The following OR51E2 variants were observed in gnomAD, a reference collection of about 807,000 sequenced individuals.
OR51E2 encodes the protein olfactory receptor family 51 subfamily E member 2.
A neutral mutation model predicts 13.7 loss-of-function variants in OR51E2; 14 were observed. The ratio of observed to expected loss-of-function variants is 1.02; its 90% CI spans 0.68 to 1.60. The LOEUF (loss-of-function observed/expected upper bound fraction) is 1.60, where lower values mean the gene tolerates loss of function less well. OR51E2 is among the 40% of genes most tolerant of loss of function. The probability of loss-of-function intolerance (pLI) is 0.00; values close to 1 mark genes in which losing one functional copy is unlikely to be tolerated. For missense variants in OR51E2, 483 were observed against 413.8 expected (o/e 1.17, Z -1.45); for synonymous variants, 180 against 157.6 (o/e 1.14, Z -1.07).
Position 4,682,480 on chromosome 11 carries a change from G to C in OR51E2, c.232C>G (p.Pro78Ala). The C allele has an allele frequency of 6.2e-7, 1 of 1,614,212 alleles. No individual in the cohort carries two copies. Among genetic ancestry groups the C allele is most frequent in the Non-Finnish European group, 8.5e-7 (1 of 1,180,026 alleles). ...IDLALSTSTM[P>A]KILALFWFDS... ...AACCAGAAAAGGGCAAGGATCTTAGGCATGGTGGATGTGGATAAGGCCAGG... is the reference window on the plus strand; with the variant it reads ...AACCAGAAAAGGGCAAGGATCTTAGCCATGGTGGATGTGGATAAGGCCAGG... The change falls in exon 2 of 2, where the codon CCT becomes GCT. Residue 78 changes from proline (P) to alanine (A), a missense_variant. By Grantham distance (27) the Pro-to-Ala change is conservative (BLOSUM62 -1). Transcript: ENST00000396950.
chr11:4,692,172 G>A, intron 1 of OR51E2: 1 of 452,822 alleles, frequency 2.2e-6, no homozygotes, highest in South Asian at 1.6e-5. Flanking sequence ...CATAAGTGTG[G>A]AAAGCAGAGA....
intron 1 of OR51E2, chr11:4,691,284 T>C (rs768289859): frequency 1.5e-5 from 7 of 456,856 alleles, no homozygotes; most frequent in African/African-American, 1.4e-4. Flanking sequence ...TATTCTGGAG[T>C]CAGTTAAAAT....
chr11:4,687,576 T>C (rs7128240), intron 1 of OR51E2, among the ~76,000 whole-genome samples: 149,683 of 152,318 alleles, frequency 0.98, 73,593 homozygotes, highest in Middle Eastern at 1. Flanking sequence ...GTGTGCCATC[T>C]GAATCCTTAC....
intron 1 of OR51E2, among the ~76,000 whole-genome samples, chr11:4,693,600 A>G (rs1037218513): frequency 6.6e-6 from 1 of 152,174 alleles, no homozygotes; most frequent in African/African-American, 2.4e-5. Flanking sequence ...GGGCGCCTGT[A>G]GTTCCAGCTA....
intron 1 of OR51E2, among the ~76,000 whole-genome samples, chr11:4,692,861 A>AG (rs1188441715): frequency 6.8e-5 from 10 of 147,534 alleles, no homozygotes; most frequent in East Asian, 4.4e-4. Flanking sequence ...TGAAAAAAAA[A>AG]GGGGGGGTGG....
chr11:4,691,632 G>C (rs1847581446), intron 1 of OR51E2: 1 of 442,504 alleles, frequency 2.3e-6, no homozygotes, highest in Non-Finnish European at 4.5e-6. Flanking sequence ...GGTGTGGAAG[G>C]CTTCCAGCCC....
chr11:4,694,485 C>T (rs918068156), intron 1 of OR51E2, among the ~76,000 whole-genome samples: 7 of 144,094 alleles, frequency 4.9e-5, no homozygotes, highest in Admixed American at 7.1e-5. Context: ...CATATATATA[C>T]GTGTATATAT....
Position 4,681,917 on chromosome 11 carries a change from G to A in OR51E2, c.795C>T (p.Asn265=). Reference sequence around the variant, plus strand: ...CAACACGCACAATGGGATGAAGGCTGTTTCCAAAGCGGTGTACCACTGAGA... The same window carrying A: ...CAACACGCACAATGGGATGAAGGCTATTTCCAAAGCGGTGTACCACTGAGA... ...IGLSVVHRFG[N]SLHPIVRVVM... Residue 265 remains asparagine, a synonymous_variant, in exon 2 of 2, where the codon AAC becomes AAT. Transcript: ENST00000396950. The A allele has an allele frequency of 6.2e-7, 1 of 1,614,154 alleles. No individual in the cohort carries two copies. The highest frequency in any genetic ancestry group is 8.5e-7 in the Non-Finnish European group (1 of 1,180,042).
intron 1 of OR51E2, among the ~76,000 whole-genome samples, chr11:4,697,380 A>C (rs1437040623): frequency 6.6e-6 from 1 of 152,244 alleles, no homozygotes. Context: ...GGGCATAGAA[A>C]TGAGATTCAC....
rs199957785 is a variant in OR51E2, at chr11:4,682,202, G to A, written c.510C>T (p.Ser170=). 1 of 1,614,226 alleles carries A rather than the reference G, an allele frequency of 6.2e-7. No homozygotes were observed. The highest frequency in any genetic ancestry group is 2.2e-5 in the East Asian group (1 of 44,886). ...CACAATAGGAGTGCGAGAGGACATT[G>A]GAGTGGCAGAAGGCCAGCCGCTTGA... The part of the protein sequence containing the change: ...LLIKRLAFCH[S]NVLSHSYCVH... The change falls in exon 2 of 2, where the codon TCC becomes TCT. Residue 170 remains serine (S), a synonymous_variant. Coordinates refer to ENST00000396950, the MANE Select transcript of OR51E2 (RefSeq NM_030774.4).
chr11:4,690,878 A>G (rs1234972858), intron 1 of OR51E2: 1 of 456,496 alleles, frequency 2.2e-6, no homozygotes, highest in Non-Finnish European at 4.4e-6. Context: ...CAATCATAGT[A>G]TGTACATAGG....
rs11033328 is a variant in OR51E2, at chr11:4,685,558, C to G, written c.-50-2797G>C. Among the ~76,000 whole-genome samples, 6 of 152,330 alleles carry G rather than the reference C, an allele frequency of 3.9e-5. No individual in the cohort carries two copies. The East Asian group carries it at 9.6e-4, about 24-fold the overall frequency. ...TCCATATCTTTCCCTAACCTTTCTT[C>G]TGGTTAACAAAACAGCCCTTAATGT... On this transcript the variant is annotated intron_variant, in intron 1 of 1. Coordinates refer to ENST00000396950, the MANE Select transcript of OR51E2 (RefSeq NM_030774.4).
chr11:4,696,193 A>C (rs546047195), intron 1 of OR51E2, among the ~76,000 whole-genome samples: 1 of 152,324 alleles, frequency 6.6e-6, no homozygotes, highest in East Asian at 1.9e-4. Context: ...GCTACCCCTG[A>C]GGGACATCTC....
At position 4,681,941 on chromosome 11, in the gene OR51E2, G is replaced by C; in HGVS notation, c.771C>G (p.Leu257=). 6.2e-7 allele frequency: 1 copy of C among 1,614,114 alleles called. No individual in the cohort carries two copies. Among genetic ancestry groups the C allele is most frequent in the South Asian group, 1.1e-5 (1 of 91,084 alleles). ...VLAFYVPLIG[L]SVVHRFGNSL... ...TGTTTCCAAAGCGGTGTACCACTGA[G>C]AGGCCAATAAGTGGCACATAGAAGG... The change falls in exon 2 of 2, where the codon CTC becomes CTG. Residue 257 remains leucine, a synonymous_variant. Transcript: ENST00000396950.
chr11:4,684,555 A>C (rs1847494310), intron 1 of OR51E2, among the ~76,000 whole-genome samples: 1 of 152,188 alleles, frequency 6.6e-6, no homozygotes, highest in Non-Finnish European at 1.5e-5. Flanking sequence ...CAAGGGGAAC[A>C]CAGGGACGTA....
At chr11:4,697,302 T>G (rs1336726577) in intron 1 of OR51E2, among the ~76,000 whole-genome samples, 2 of 152,202 alleles carry the variant, frequency 1.3e-5, no homozygotes. Context: ...ATGCGCTGTG[T>G]CTAATACCAG....
chr11:4,696,921 TA>T (rs895162063), intron 1 of OR51E2, among the ~76,000 whole-genome samples: 2 of 151,724 alleles, frequency 1.3e-5, no homozygotes, highest in African/African-American at 4.9e-5. Context: ...GCTCAAACAC[TA>T]ACTAGTTTTG....
At position 4,681,563 on chromosome 11, in the gene OR51E2, T is replaced by A. The variant is rs12575268; in HGVS notation, c.*186A>T. On this transcript the variant is annotated 3_prime_UTR_variant, in exon 2 of 2. Coordinates refer to ENST00000396950, the MANE Select transcript of OR51E2 (RefSeq NM_030774.4). Reference sequence around the variant, plus strand: ...TGGTTTTATTGTAGTCTTTAAATCATGTAATACTTCATTAGTATGTATTAT... The same window carrying A: ...TGGTTTTATTGTAGTCTTTAAATCAAGTAATACTTCATTAGTATGTATTAT... 0.042 allele frequency: 26,227 copies of A among 618,366 alleles called. 1,256 individuals are homozygous for A. Among genetic ancestry groups the A allele is most frequent in the East Asian group, 0.18 (6,424 of 36,062 alleles). The allele number at this position is 618,366 out of a possible 1,614,324, so 38.3% of individuals were successfully genotyped here. A position where few individuals can be genotyped will look rare whatever the true frequency, so the allele number is the denominator to read the frequency against.
intron 1 of OR51E2, chr11:4,685,197 A>C (rs1301586158): frequency 6.6e-6 from 1 of 152,200 alleles, no homozygotes; most frequent in East Asian, 1.9e-4. Flanking sequence ...GGGACTTGGC[A>C]GACAGAGGAA....
Sources: allele counts gnomAD v4.1 joint callset (sites outside exome capture counted in the v4.1 genomes callset), GRCh38; gene constraint gnomAD v4.1.1; transcripts MANE v1.5; gene names NCBI Gene and HGNC (gene_info 2026-07-23, HGNC 2026-07-21).